PTPRN2: variants seen among roughly 807,000 people sequenced by gnomAD.
PTPRN2 encodes the protein protein tyrosine phosphatase receptor type N2.
PTPRN2 carries 74 observed loss-of-function variants against 118.8 expected under a neutral mutation model. The ratio of observed to expected loss-of-function variants is 0.62; its 90% confidence interval spans 0.52 to 0.76. The LOEUF (loss-of-function observed/expected upper bound fraction) is 0.76, where lower values mean the gene tolerates loss of function less well. Ranked by LOEUF, PTPRN2 falls within the 30% of genes least tolerant of loss-of-function variation. PTPRN2 has a pLI of 0.00. For synonymous variants in PTPRN2, 641 were observed against 608.0 expected, an observed-to-expected ratio of 1.05 and a Z score of -0.80; for missense variants, 1,481 against 1,394.4, an observed-to-expected ratio of 1.06 and a Z score of -0.99.
chr7:158,333,799 G>C (rs1483125949), intron 2 of PTPRN2, among the ~76,000 whole-genome samples: 2 of 142,554 alleles, frequency 1.4e-5, no homozygotes, highest in Non-Finnish European at 3.0e-5. Context: ...CTCACCATAA[G>C]AGCTGAGGCC....
At chr7:157,894,970 A>G (rs900974726) in intron 12 of PTPRN2, among the ~76,000 whole-genome samples, 4 of 152,158 alleles carry the variant, frequency 2.6e-5, no homozygotes, top group Non-Finnish European at 5.9e-5. Flanking sequence ...ATAGAAATTC[A>G]CACTTCAGTA....
At chr7:157,588,549 G>A (rs958755742) in intron 17 of PTPRN2, among the ~76,000 whole-genome samples, 5 of 152,362 alleles carry the variant, frequency 3.3e-5, no homozygotes, top group Middle Eastern at 3.4e-3. Context: ...GTGGGGCCAC[G>A]TCCCCGGGAA....
At chr7:157,658,401 G>A (rs1795703478) in intron 13 of PTPRN2, among the ~76,000 whole-genome samples, 1 of 152,218 alleles carries the variant, frequency 6.6e-6, no homozygotes, top group Non-Finnish European at 1.5e-5. Context: ...CACCAAAGCA[G>A]AAGTTCCCGT....
At position 157,572,393 on chromosome 7, in the gene PTPRN2, C is replaced by T. The variant is rs556689686; in HGVS notation, c.2784-900G>A. 2.0e-5 allele frequency among the ~76,000 whole-genome samples: 3 copies of T among 152,298 alleles called. No individual in the cohort carries two copies. The South Asian group carries it at 6.2e-4, about 32-fold the overall frequency. On this transcript the variant is annotated intron_variant, in intron 19 of 22. Transcript: ENST00000389418. ...AAATTAAGAAAAATGGAAGTATGGA[C>T]CATCAATGGGAAAATGTCACGTTTC...
At chr7:158,389,276 C>T (rs886605835) in intron 2 of PTPRN2, among the ~76,000 whole-genome samples, 1 of 152,230 alleles carries the variant, frequency 6.6e-6, no homozygotes, top group African/African-American at 2.4e-5. Flanking sequence ...TAAGATCAGC[C>T]CAGGCTGCGA....
intron 2 of PTPRN2, among the ~76,000 whole-genome samples, chr7:158,341,612 C>G (rs1489418042): frequency 2.0e-5 from 2 of 102,384 alleles, no homozygotes; most frequent in African/African-American, 4.0e-5. Flanking sequence ...CACTCACACC[C>G]ACACTCTCAC....
chr7:158,353,600 C>A (rs1406558410), intron 2 of PTPRN2, among the ~76,000 whole-genome samples: 1 of 152,114 alleles, frequency 6.6e-6, no homozygotes, highest in Non-Finnish European at 1.5e-5. Flanking sequence ...TGCTGAGATG[C>A]TGAGATGGTC....
chr7:157,576,491 C>A (rs557089149), intron 19 of PTPRN2, 122 bp downstream of exon 19: 13 of 1,054,048 alleles, frequency 1.2e-5, no homozygotes, highest in Admixed American at 9.3e-5. Flanking sequence ...TTCCCCTCCC[C>A]CCTGCGGCGC....
At chr7:158,314,434 G>A (rs1385200828) in intron 3 of PTPRN2, among the ~76,000 whole-genome samples, 1 of 152,252 alleles carries the variant, frequency 6.6e-6, no homozygotes, top group East Asian at 1.9e-4. Flanking sequence ...CTCCATGTTT[G>A]TCCCTGCGTG....
Position 157,910,960 on chromosome 7 carries a change from A to T in PTPRN2, c.1724-12223T>A, listed in dbSNP as rs1798072072. Among the ~76,000 whole-genome samples the T allele has an allele frequency of 1.3e-5, 2 of 152,252 alleles. 1 individual carries two copies. Among genetic ancestry groups the T allele is most frequent in the South Asian group, 4.1e-4 (2 of 4,832 alleles). ...ATAACTGCTTTCCTGACAATTATTT[A>T]CTAAAACCAGAGATGCCATTTAAAG... is the stretch of plus-strand genomic sequence containing the variant. On this transcript the variant is annotated intron_variant, in intron 11 of 22. Coordinates refer to ENST00000389418, the MANE Select transcript of PTPRN2 (RefSeq NM_002847.5).
intron 6 of PTPRN2, among the ~76,000 whole-genome samples, chr7:158,153,899 C>CAT (rs1821445354): frequency 4.1e-4 from 9 of 21,996 alleles, no homozygotes; most frequent in Admixed American, 9.3e-4. Context: ...TGGGTGTGCT[C>CAT]GCTCGGAAGG....
intron 12 of PTPRN2, among the ~76,000 whole-genome samples, chr7:157,776,287 CTG>C (rs1803231170): frequency 7.4e-6 from 1 of 135,342 alleles, no homozygotes; most frequent in Non-Finnish European, 1.6e-5. Flanking sequence ...CACCTCCTCC[CTG>C]TCCTCCTTCT....
At chr7:158,206,866 G>A (rs78950795) in intron 3 of PTPRN2, among the ~76,000 whole-genome samples, 1 of 149,690 alleles carries the variant, frequency 6.7e-6, no homozygotes, top group East Asian at 2.0e-4. Flanking sequence ...GTACAGGTTA[G>A]TTACATACGT....
intron 2 of PTPRN2, among the ~76,000 whole-genome samples, chr7:158,341,495 G>A (rs1403798354): frequency 7.6e-5 from 10 of 131,770 alleles, no homozygotes; most frequent in African/African-American, 2.4e-4. Context: ...CATAATTGGT[G>A]ACACGTGCAG....
At chr7:157,838,362 T>C (rs112685607) in intron 12 of PTPRN2, among the ~76,000 whole-genome samples, 3,743 of 119,712 alleles carry the variant, frequency 0.031, 315 homozygotes, top group African/African-American at 0.12. Flanking sequence ...GTGGATGGCA[T>C]GGGAGAAAGC....
At chr7:158,305,434 G>C (rs568729156) in intron 3 of PTPRN2, among the ~76,000 whole-genome samples, 1 of 152,146 alleles carries the variant, frequency 6.6e-6, no homozygotes, top group East Asian at 1.9e-4. Context: ...GAGAGAAAGA[G>C]AAAAAAAGAT....
chr7:158,290,819 G>A (rs1440493068), intron 3 of PTPRN2, among the ~76,000 whole-genome samples: 1 of 152,178 alleles, frequency 6.6e-6, no homozygotes, highest in South Asian at 2.1e-4. Flanking sequence ...ACTTGTGAAG[G>A]TATTTTTGCA....
intron 6 of PTPRN2, among the ~76,000 whole-genome samples, chr7:158,161,620 T>C (rs974859664): frequency 6.6e-6 from 1 of 152,122 alleles, no homozygotes; most frequent in Non-Finnish European, 1.5e-5. Context: ...TGAAAAACCA[T>C]AAAACTCCTT....
intron 2 of PTPRN2, among the ~76,000 whole-genome samples, chr7:158,341,940 CCAT>C (rs869126621): frequency 9.2e-4 from 135 of 146,424 alleles, no homozygotes; most frequent in Non-Finnish European, 1.8e-3. Context: ...CACATTCTCA[CCAT>C]AAGAGCTGTC....
Sources: gnomAD v4.1 joint callset for allele counts (sites outside exome capture counted in the v4.1 genomes callset) on GRCh38, gnomAD v4.1.1 for gene constraint, MANE v1.5 for transcripts, NCBI Gene and HGNC (gene_info 2026-07-23, HGNC 2026-07-21) for gene names.